Variants in CTNNA2 observed in about 807,000 individuals in gnomAD.
The protein encoded by CTNNA2 is catenin alpha 2, also known as catenin alpha-2.
Under a neutral mutation model 101.0 loss-of-function variants are expected in CTNNA2, and 42 were observed. The observed-to-expected ratio is 0.42, with a 90% CI of 0.32 to 0.54. The LOEUF (loss-of-function observed/expected upper bound fraction) is 0.54, where lower values mean the gene tolerates loss of function less well. CTNNA2 is among the 20% of genes least tolerant of loss of function. The pLI is 0.14. For missense variants in CTNNA2, 871 were observed against 1,223.1 expected, an observed-to-expected ratio of 0.71 and a Z score of 4.29; for synonymous variants, 450 against 456.4, an observed-to-expected ratio of 0.99 and a Z score of 0.18.
chr2:80,008,973 T>C (rs1038824993), intron 7 of CTNNA2, among the ~76,000 whole-genome samples: 8 of 152,160 alleles, frequency 5.3e-5, no homozygotes, highest in African/African-American at 1.4e-4. Flanking sequence ...GACACTGAAA[T>C]GCCAGAGGAA....
At chr2:79,959,758 C>T (rs1689501753) in intron 7 of CTNNA2, among the ~76,000 whole-genome samples, 1 of 152,184 alleles carries the variant, frequency 6.6e-6, no homozygotes, top group African/African-American at 2.4e-5. Flanking sequence ...TTCATTGGAT[C>T]ATATTTTCTT....
chr2:80,019,484 C>T (rs1694400101), intron 7 of CTNNA2, among the ~76,000 whole-genome samples: 1 of 152,202 alleles, frequency 6.6e-6, no homozygotes, highest in Non-Finnish European at 1.5e-5. Flanking sequence ...TTTGCTAGCC[C>T]TAAAATAGAG....
chr2:80,568,683 A>G lies in CTNNA2; in HGVS notation c.1742-5480A>G, dbSNP rs559952989. Reference sequence around the variant, plus strand: ...GATTAAAGAAGGCTTCACAATGGCAATTAGTTCTACACTGGAGATTGAAGA... The same window carrying G: ...GATTAAAGAAGGCTTCACAATGGCAGTTAGTTCTACACTGGAGATTGAAGA... On this transcript the variant is annotated intron_variant, in intron 12 of 18. Coordinates refer to ENST00000402739, the MANE Select transcript of CTNNA2 (RefSeq NM_001282597.3). 1.2e-4 allele frequency among the ~76,000 whole-genome samples: 18 copies of G among 152,134 alleles called. 1 individual carries two copies. The South Asian group carries it at 3.5e-3, about 30-fold the overall frequency.
Position 80,473,850 on chromosome 2 carries a change from G to A in CTNNA2, c.1290+54249G>A, listed in dbSNP as rs541870125. 3.3e-4 allele frequency among the ~76,000 whole-genome samples: 50 copies of A among 152,268 alleles called. 1 individual carries two copies. The highest frequency in any genetic ancestry group is 4.6e-4 in the Admixed American group (7 of 15,288). On this transcript the variant is annotated intron_variant, in intron 9 of 18. Transcript: ENST00000402739. ...ACTGGCTGCTCACAGATGTGTGTTT[G>A]TTTTTTGTCTTTGTGTAGTTTCTGG...
intron 9 of CTNNA2, among the ~76,000 whole-genome samples, chr2:80,500,831 T>C (rs938461797): frequency 1.3e-4 from 20 of 152,208 alleles, no homozygotes; most frequent in African/African-American, 4.8e-4. Context: ...TTTTTATTTG[T>C]TTCGTTTATT....
Position 79,651,589 on chromosome 2 carries a change from A to G in CTNNA2, c.33A>G (p.Lys11=), listed in dbSNP as rs1681255801. The change falls in exon 2 of 19, where the codon AAA becomes AAG. Residue 11 remains lysine (K), a synonymous_variant. Transcript: ENST00000402739. MTSATSPIIL[K]WDPKSLEIRT... ...CGGCAACTTCACCTATCATTCTGAA[A>G]TGGGACCCCAAAAGTTTGGAAATCC... 2 of 1,613,736 alleles carry G rather than the reference A, an allele frequency of 1.2e-6. No individual in the cohort carries two copies. Among genetic ancestry groups the G allele is most frequent in the Non-Finnish European group, 1.7e-6 (2 of 1,179,856 alleles).
chr2:79,558,684 A>G lies in CTNNA2; in HGVS notation c.-6+45477A>G, dbSNP rs17017258. 0.014 allele frequency among the ~76,000 whole-genome samples: 2,175 copies of G among 150,604 alleles called. 139 individuals carry two copies. In the East Asian group the frequency reaches 0.2, roughly 14 times the overall value. On this transcript the variant is annotated intron_variant, in intron 1 of 18. Coordinates refer to ENST00000402739, the MANE Select transcript of CTNNA2 (RefSeq NM_001282597.3). Reference sequence around the variant, plus strand: ...GGATTTGGACACAGTGAAATGAGATAGTATAGGGAAAGTCTTTCTACACCC... The same window carrying G: ...GGATTTGGACACAGTGAAATGAGATGGTATAGGGAAAGTCTTTCTACACCC...
chr2:80,167,534 G>C (rs1327349882), intron 7 of CTNNA2, among the ~76,000 whole-genome samples: 1 of 152,166 alleles, frequency 6.6e-6, no homozygotes, highest in African/African-American at 2.4e-5. Context: ...GGCAATTTGA[G>C]AGAGTAAATA....
chr2:80,001,072 C>T (rs1553426386), intron 7 of CTNNA2, among the ~76,000 whole-genome samples: 1 of 152,078 alleles, frequency 6.6e-6, no homozygotes, highest in Non-Finnish European at 1.5e-5. Flanking sequence ...GTGGCTTGTT[C>T]CTTGTTTTGA....
At chr2:80,335,462 A>T (rs1198181587) in intron 7 of CTNNA2, among the ~76,000 whole-genome samples, 2 of 152,144 alleles carry the variant, frequency 1.3e-5, no homozygotes, top group Non-Finnish European at 2.9e-5. Flanking sequence ...CTGGGGTCAG[A>T]CCACAGGGCT....
Position 80,525,558 on chromosome 2 carries a change from T to A in CTNNA2, c.1291-19424T>A, listed in dbSNP as rs530101058. 1.3e-4 allele frequency among the ~76,000 whole-genome samples: 20 copies of A among 152,324 alleles called. 2 individuals are homozygous for A. The South Asian group carries it at 4.1e-3, about 32-fold the overall frequency. On this transcript the variant is annotated intron_variant, in intron 9 of 18. Coordinates refer to ENST00000402739, the MANE Select transcript of CTNNA2 (RefSeq NM_001282597.3). Reference sequence around the variant, plus strand: ...CAACAACAAAAACCCTGAATTCAGCTAAGCCTGACTTTCCAATTTCCCCCT... The same window carrying A: ...CAACAACAAAAACCCTGAATTCAGCAAAGCCTGACTTTCCAATTTCCCCCT...
At chr2:80,333,212 A>G (rs1180130639) in intron 7 of CTNNA2, among the ~76,000 whole-genome samples, 1 of 152,074 alleles carries the variant, frequency 6.6e-6, no homozygotes, top group Non-Finnish European at 1.5e-5. Flanking sequence ...AAAGGCTGTC[A>G]CCTTTCCACC....
intron 9 of CTNNA2, among the ~76,000 whole-genome samples, chr2:80,471,816 T>A (rs1685326954): frequency 8.3e-6 from 1 of 120,432 alleles, no homozygotes; most frequent in Non-Finnish European, 1.6e-5. Flanking sequence ...GTCCTCAAGT[T>A]TGTTAAAAAA....
chr2:80,501,847 G>A (rs1687907628), intron 9 of CTNNA2, among the ~76,000 whole-genome samples: 1 of 152,148 alleles, frequency 6.6e-6, no homozygotes, highest in Admixed American at 6.6e-5. Context: ...TGGAAGGTGG[G>A]TGATGAACAC....
chr2:80,390,273 G>T (rs1003794127), intron 7 of CTNNA2, among the ~76,000 whole-genome samples: 2 of 152,174 alleles, frequency 1.3e-5, no homozygotes, highest in Non-Finnish European at 2.9e-5. Context: ...CTCAGTCATT[G>T]AGCGTGCTAA....
At chr2:80,152,351 G>C (rs910924209) in intron 7 of CTNNA2, among the ~76,000 whole-genome samples, 19 of 150,860 alleles carry the variant, frequency 1.3e-4, no homozygotes, top group Non-Finnish European at 1.9e-4. Context: ...CATTCCCTGT[G>C]TGAGACTGTG....
intron 4 of CTNNA2, among the ~76,000 whole-genome samples, chr2:79,440,382 C>G (rs1257912317): frequency 6.6e-6 from 1 of 152,108 alleles, no homozygotes; most frequent in Non-Finnish European, 1.5e-5. Flanking sequence ...AGGGTATTCT[C>G]TCTTGGCCAT....
intron 1 of CTNNA2, among the ~76,000 whole-genome samples, chr2:79,602,930 G>A (rs1373193551): frequency 6.6e-6 from 1 of 152,164 alleles, no homozygotes; most frequent in Non-Finnish European, 1.5e-5. Context: ...AAGAGGAACA[G>A]ATTTTTCATA....
chr2:79,622,109 T>TA (rs1416574396), intron 1 of CTNNA2, among the ~76,000 whole-genome samples: 14 of 152,190 alleles, frequency 9.2e-5, no homozygotes. Context: ...ATACTTTAGT[T>TA]AAAACAACAA....
Sources: gnomAD v4.1 joint callset for allele counts (sites outside exome capture counted in the v4.1 genomes callset) on GRCh38, gnomAD v4.1.1 for gene constraint, MANE v1.5 for transcripts, NCBI Gene and HGNC (gene_info 2026-07-23, HGNC 2026-07-21) for gene names.